Variants in GPSM1 observed in about 807,000 individuals in gnomAD.
GPSM1 encodes the protein G protein signaling modulator 1.
In GPSM1, 48 loss-of-function variants were observed where a neutral mutation model predicts 70.5. The observed-to-expected ratio is 0.68, with a 90% CI of 0.54 to 0.87. GPSM1 has a LOEUF of 0.87. GPSM1 is among the 40% of genes least tolerant of loss of function. GPSM1 has a pLI of 0.00. For synonymous variants in GPSM1, 416 were observed against 430.1 expected, an observed-to-expected ratio of 0.97 and a Z score of 0.41; for missense variants, 981 against 972.6, an observed-to-expected ratio of 1.01 and a Z score of -0.11.
intron 1 of GPSM1, 65 bp downstream of exon 1, chr9:136,327,828 G>C (rs1325047019): frequency 1.2e-5 from 7 of 589,988 alleles, no homozygotes; most frequent in Admixed American, 4.9e-5. Flanking sequence ...GTCGGGACGC[G>C]GGGGAGGCTG....
At position 136,340,747 on chromosome 9, in the gene GPSM1, G is replaced by A; in HGVS notation, c.1084-123G>A. The A allele has an allele frequency of 1.5e-6, 2 of 1,350,332 alleles. No individual in the cohort carries two copies. Among genetic ancestry groups the A allele is most frequent in the South Asian group, 1.5e-5 (1 of 65,908 alleles). The allele number at this position is 1,350,332 out of a possible 1,614,324, so 83.6% of individuals were successfully genotyped here. Reference sequence around the variant, plus strand: ...GGTTCCCTCAGAGGCCCAGGGGTCAGTGACCAGTTCAGGTCACTCAGAAGG... The same window carrying A: ...GGTTCCCTCAGAGGCCCAGGGGTCAATGACCAGTTCAGGTCACTCAGAAGG... On this transcript the variant is annotated intron_variant, in intron 8 of 13. Transcript: ENST00000440944. The surrounding 1 kb of genome is among the most constrained non-coding windows in gnomAD (Gnocchi z 7.3).
Position 136,354,953 on chromosome 9 carries a change from G to A in GPSM1, c.1456-737G>A, listed in dbSNP as rs1218460718. On this transcript the variant is annotated intron_variant, in intron 11 of 13. Coordinates refer to ENST00000440944, the MANE Select transcript of GPSM1 (RefSeq NM_001145638.3). ...GGGAGGCTGGCCCAGGGCAGGTGAC[G>A]GACAGAGGCCTGGACTGGGGTAGCA... 3.7e-5 allele frequency: 38 copies of A among 1,036,578 alleles called. No individual in the cohort carries two copies. The South Asian group carries it at 6.6e-4, about 18-fold the overall frequency. 64.2% of individuals were successfully genotyped at this position (1,036,578 alleles called of 1,614,324 possible). A position where few individuals can be genotyped will look rare whatever the true frequency, so the allele number is the denominator to read the frequency against.
chr9:136,357,581 G>A (rs1271376278), intron 13 of GPSM1, among the ~76,000 whole-genome samples: 9 of 152,250 alleles, frequency 5.9e-5, no homozygotes, highest in African/African-American at 2.2e-4. Context: ...TCGGGCTCTG[G>A]AAGCTGAGAC....
At chr9:136,333,776 C>A (rs1456593245) in intron 1 of GPSM1, among the ~76,000 whole-genome samples, 1 of 152,118 alleles carries the variant, frequency 6.6e-6, no homozygotes, top group African/African-American at 2.4e-5. Flanking sequence ...CAGCGGCGAG[C>A]GCTTAGCTCT....
intron 9 of GPSM1, among the ~76,000 whole-genome samples, chr9:136,348,493 C>G (rs2131408242): frequency 6.6e-6 from 1 of 152,358 alleles, no homozygotes; most frequent in African/African-American, 2.4e-5. Context: ...CGCGCTCTGT[C>G]TCGACACCTG....
intron 2 of GPSM1, 83 bp downstream of exon 2, chr9:136,334,751 G>T: frequency 8.7e-7 from 1 of 1,154,992 alleles, no homozygotes; most frequent in Non-Finnish European, 1.2e-6. Context: ...TGGTGGGTGA[G>T]TGGGGCGGCC....
intron 11 of GPSM1, among the ~76,000 whole-genome samples, chr9:136,352,404 C>T (rs577361132): frequency 6.6e-6 from 1 of 152,238 alleles, no homozygotes; most frequent in Middle Eastern, 3.2e-3. Context: ...CCAGCACATT[C>T]GGGGCTTTGG....
rs753918068 is a variant in GPSM1 at position 136,337,081 on chromosome 9, G to A, written c.578+9G>A. On this transcript the variant is annotated intron_variant, in intron 4 of 13. Transcript: ENST00000440944. ...GCCTCCGAGTTCTACGAGTGAGTGG[G>A]GCAGGGCCAGCCCAGGGACCGGGGC... is the stretch of plus-strand genomic sequence containing the variant. The A allele has an allele frequency of 1.3e-6, 2 of 1,548,364 alleles. No individual in the cohort carries two copies. The highest frequency in any genetic ancestry group is 1.4e-5 in the African/African-American group (1 of 72,902).
chr9:136,335,900 C>T, intron 2 of GPSM1, 66 bp from the exon 3 acceptor site: 1 of 1,535,400 alleles, frequency 6.5e-7, no homozygotes, highest in East Asian at 2.3e-5. Context: ...CCATGCTCAG[C>T]CTCCCCCCGG....
Position 136,337,424 on chromosome 9 carries a change from A to G in GPSM1, c.579-17A>G, listed in dbSNP as rs1554769434. 6.4e-7 allele frequency: 1 copy of G among 1,567,270 alleles called. No homozygotes were observed. The highest frequency in any genetic ancestry group is 2.3e-5 in the East Asian group (1 of 43,286). On this transcript the variant is annotated splice_polypyrimidine_tract_variant and intron_variant, in intron 4 of 13. Coordinates refer to ENST00000440944, the MANE Select transcript of GPSM1 (RefSeq NM_001145638.3). ...ATGGGCTGGGAGGGACACGGCTCAGAGGCACTCGGCCCCCAGGAGGAACCT... is the reference window on the plus strand; with the variant it reads ...ATGGGCTGGGAGGGACACGGCTCAGGGGCACTCGGCCCCCAGGAGGAACCT...
Position 136,358,601 on chromosome 9 carries a change from C to T in GPSM1, c.*381C>T, listed in dbSNP as rs754994510. Reference sequence around the variant, plus strand: ...ACCCTCCCCAAAGGTGTCTCTGAGCCGCCTCTTGGGGCCACCAAGGACAGG... The same window carrying T: ...ACCCTCCCCAAAGGTGTCTCTGAGCTGCCTCTTGGGGCCACCAAGGACAGG... On this transcript the variant is annotated 3_prime_UTR_variant, in exon 14 of 14. Coordinates refer to ENST00000440944, the MANE Select transcript of GPSM1 (RefSeq NM_001145638.3). 8 of 345,888 alleles carry T rather than the reference C, an allele frequency of 2.3e-5. No homozygotes were observed. In the East Asian group the frequency reaches 3.1e-4, roughly 13 times the overall value. The allele number at this position is 345,888 out of a possible 1,614,324, so 21.4% of individuals were successfully genotyped here.
intron 4 of GPSM1, 45 bp downstream of exon 4, chr9:136,337,117 G>A (rs782725726): frequency 2.1e-5 from 31 of 1,492,384 alleles, no homozygotes; most frequent in Admixed American, 1.3e-4. Context: ...TGGCCTGTGC[G>A]TTTCTGAGCT....
At position 136,335,906 on chromosome 9, in the gene GPSM1, C is replaced by A. The variant is rs1263385252; in HGVS notation, c.291-60C>A. The A allele has an allele frequency of 5.7e-6, 9 of 1,565,376 alleles. No individual in the cohort carries two copies. The South Asian group carries it at 1.0e-4, about 18-fold the overall frequency. ...TACCCCACCCCATGCTCAGCCTCCCCCCGGGCCCAGAGGCCTGACCAGTCC... is the reference window on the plus strand; with the variant it reads ...TACCCCACCCCATGCTCAGCCTCCCACCGGGCCCAGAGGCCTGACCAGTCC... On this transcript the variant is annotated intron_variant, in intron 2 of 13. Coordinates refer to ENST00000440944, the MANE Select transcript of GPSM1 (RefSeq NM_001145638.3).
chr9:136,352,499 C>A (rs1246741874), intron 11 of GPSM1, among the ~76,000 whole-genome samples: 1 of 152,204 alleles, frequency 6.6e-6, no homozygotes, highest in African/African-American at 2.4e-5. Flanking sequence ...GCAGGGTTGG[C>A]CTCAGAGGCT....
At chr9:136,345,664 G>A (rs1832505714) in intron 9 of GPSM1, among the ~76,000 whole-genome samples, 1 of 152,234 alleles carries the variant, frequency 6.6e-6, no homozygotes, top group African/African-American at 2.4e-5. Context: ...TGGCACTGGG[G>A]GCGGCAGAGG....
At position 136,341,723 on chromosome 9, in the gene GPSM1, G is replaced by C. The variant is rs1317192789; in HGVS notation, c.1207+730G>C. ...ATGCCTGCCTCCCAGAACGTACCTG[G>C]TGCCCCCCAGGCCTGCTAAGGACCA... On this transcript the variant is annotated intron_variant, in intron 9 of 13. Transcript: ENST00000440944. The surrounding 1 kb of genome is among the most constrained non-coding windows in gnomAD (Gnocchi z 6.7). 8 of 990,158 alleles carry C rather than the reference G, an allele frequency of 8.1e-6. No individual in the cohort carries two copies. The Admixed American group carries it at 4.5e-4, about 55-fold the overall frequency. 61.3% of individuals were successfully genotyped at this position (990,158 alleles called of 1,614,324 possible). A position where few individuals can be genotyped will look rare whatever the true frequency, so the allele number is the denominator to read the frequency against.
At chr9:136,355,878 G>A in intron 12 of GPSM1, 32 bp downstream of exon 12, 2 of 1,568,642 alleles carry the variant, frequency 1.3e-6, no homozygotes, top group Non-Finnish European at 1.7e-6. Flanking sequence ...GCCCTCCCTT[G>A]GGCTTGTCTG....
In GPSM1 at chr9:136,327,668, C is replaced by T. The variant is rs1434618597; in HGVS notation, c.-28C>T. ...GACGGCCACGGCGCGGGGGGCGCTC[C>T]CGGCTCCCGCTCCCGCGTCCCCGAC... On this transcript the variant is annotated 5_prime_UTR_variant, in exon 1 of 14. Coordinates refer to ENST00000440944, the MANE Select transcript of GPSM1 (RefSeq NM_001145638.3). 27 of 972,832 alleles carry T rather than the reference C, an allele frequency of 2.8e-5. No homozygotes were observed. In the African/African-American group the frequency reaches 4.2e-4, roughly 15 times the overall value. The allele number at this position is 972,832 out of a possible 1,614,324, so 60.3% of individuals were successfully genotyped here.
In GPSM1 at chr9:136,335,978, C is replaced by T. The variant is rs377527531; in HGVS notation, c.303C>T (p.Asp101=). The T allele has an allele frequency of 6.2e-7, 1 of 1,612,372 alleles. No homozygotes were observed. The highest frequency in any genetic ancestry group is 1.3e-5 in the African/African-American group (1 of 74,920). Residue 101 remains aspartate (D), a synonymous_variant, in exon 3 of 14, where the codon GAC becomes GAT. Transcript: ENST00000440944. The stretch of plus-strand genomic sequence containing the variant: ...CCCTGCCATCCAGGACCATCGGTGA[C>T]CGCATGGGGGAGGCCAAGGCCAGTG... ...HDLLLARTIG[D]RMGEAKASGN...
Sources: allele counts gnomAD v4.1 joint callset (sites outside exome capture counted in the v4.1 genomes callset), GRCh38; gene constraint gnomAD v4.1.1; non-coding constraint Gnocchi (gnomAD v3.1); transcripts MANE v1.5; gene names NCBI Gene and HGNC (gene_info 2026-07-23, HGNC 2026-07-21).